The following AMH variants were observed in gnomAD, a reference collection of about 807,000 sequenced individuals.
AMH encodes anti-Muellerian hormone.
Under a neutral mutation model 33.3 loss-of-function variants are expected in AMH, and 39 were observed. The observed-to-expected ratio is 1.17, with a 90% CI of 0.91 to 1.53. AMH has a LOEUF of 1.53. Ranked by LOEUF, AMH falls within the 40% of genes most tolerant of loss-of-function variation. The pLI, the probability that AMH is intolerant of heterozygous loss-of-function variation, is 0.00. For missense variants in AMH, 1,019 were observed against 799.8 expected (o/e 1.27, Z -3.30); for synonymous variants, 536 against 403.0 (o/e 1.33, Z -3.95).
Position 2,249,486 on chromosome 19 carries a change from G to C in AMH, c.154G>C (p.Glu52Gln), listed in dbSNP as rs1157932786. ...GGACTGGCCTCCAGGCAGCCCACAA[G>C]AGCCTCTGTGCCTGGTGGCACTGGG... ...DLDWPPGSPQ[E>Q]PLCLVALGGD... Residue 52 changes from glutamate to glutamine, a missense_variant, in exon 1 of 5, where the codon GAG becomes CAG. Physicochemically the swap from Glu to Gln is conservative, Grantham distance 29 (BLOSUM62 2). Transcript: ENST00000221496. The C allele has an allele frequency of 6.2e-7, 1 of 1,606,976 alleles. No homozygotes were observed. Among genetic ancestry groups the C allele is most frequent in the African/African-American group, 1.3e-5 (1 of 74,846 alleles).
In AMH at chr19:2,250,860, A is replaced by G. The variant is rs1205531792; in HGVS notation, c.676A>G (p.Ser226Gly). The stretch of plus-strand genomic sequence containing the variant: ...CCCACCCACCGCAGACTCCCGGCTG[A>G]GTACCGCCCGGCTGCAGGCACTGCT... ...LQPRGEDSRL[S>G]TARLQALLFG... The change falls in exon 4 of 5, where the codon AGT (serine) becomes GGT (glycine). Residue 226 changes from serine to glycine, a missense_variant. Transcript: ENST00000221496. 5 of 1,570,596 alleles carry G rather than the reference A, an allele frequency of 3.2e-6. No individual in the cohort carries two copies. The African/African-American group carries it at 6.7e-5, about 21-fold the overall frequency.
Position 2,250,732 on chromosome 19 carries a change from G to A in AMH, c.636G>A (p.Leu212=), listed in dbSNP as rs772227681. ...RPAGAWRGSG[L]ALTLQPRGED... is the part of the protein sequence containing the mutation. ...CGGGGGCCTGGCGCGGCTCCGGGCT[G>A]GCCTTGACCCTGCAGCCCCGCGGAG... The change falls in exon 3 of 5, where the codon CTG becomes CTA. Residue 212 remains leucine (L), a synonymous_variant. Transcript: ENST00000221496. The A allele has an allele frequency of 6.5e-7, 1 of 1,537,432 alleles. No homozygotes were observed. Among genetic ancestry groups the A allele is most frequent in the South Asian group, 1.2e-5 (1 of 84,094 alleles).
At position 2,250,341 on chromosome 19, in the gene AMH, C is replaced by T. The variant is rs1181148698; in HGVS notation, c.417C>T (p.Thr139=). ...CCCCTGCTGTCCCGGCTGCAGTGAC[C>T]TGGGAGCCAACACCCTCGCTGAGGT... ...RLVVLHLEEV[T]WEPTPSLRFQ... The change falls in exon 2 of 5, where the codon ACC becomes ACT. Residue 139 remains threonine, a synonymous_variant. Coordinates refer to ENST00000221496, the MANE Select transcript of AMH (RefSeq NM_000479.5). 1.3e-6 allele frequency: 2 copies of T among 1,597,394 alleles called. No homozygotes were observed. Among genetic ancestry groups the T allele is most frequent in the South Asian group, 1.1e-5 (1 of 88,836 alleles).
chr19:2,250,139 A>C (rs1568392933), intron 1 of AMH, 198 bp from the exon 2 acceptor site: 3 of 884,630 alleles, frequency 3.4e-6, no homozygotes, highest in African/African-American at 1.7e-5. Context: ...CGGCAGCCCC[A>C]CCCACAGCCT....
At chr19:2,250,235 A>G in intron 1 of AMH, 102 bp from the exon 2 acceptor site, 2 of 1,517,954 alleles carry the variant, frequency 1.3e-6, no homozygotes, top group Middle Eastern at 2.3e-4. Context: ...CCCCCGCTTG[A>G]GGTCCCCTGC....
chr19:2,250,136 C>A, intron 1 of AMH: 1 of 863,966 alleles, frequency 1.2e-6, no homozygotes, highest in South Asian at 1.6e-5. Context: ...GGGCGGCAGC[C>A]CCACCCACAG....
intron 1 of AMH, 101 bp downstream of exon 1, chr19:2,249,845 C>A: frequency 7.5e-7 from 1 of 1,332,406 alleles, no homozygotes; most frequent in Non-Finnish European, 9.9e-7. Flanking sequence ...CCACCCTGGG[C>A]AGGGAGGCTG....
rs1264574264 is a variant in AMH at position 2,249,568 on chromosome 19, A to G, written c.236A>G (p.Tyr79Cys). ...PLRVVGALSA[Y>C]EQAFLGAVQR... ...CGGGTGGTGGGGGCTCTAAGCGCCTATGAGCAGGCCTTCCTGGGGGCCGTG... is the reference window on the plus strand; with the variant it reads ...CGGGTGGTGGGGGCTCTAAGCGCCTGTGAGCAGGCCTTCCTGGGGGCCGTG... The change falls in exon 1 of 5, where the codon TAT (tyrosine) becomes TGT (cysteine). Residue 79 changes from tyrosine (Y) to cysteine (C), a missense_variant. Transcript: ENST00000221496. 6.3e-7 allele frequency: 1 copy of G among 1,578,000 alleles called. No homozygotes were observed. The highest frequency in any genetic ancestry group is 8.6e-7 in the Non-Finnish European group (1 of 1,164,572).
chr19:2,249,905 C>T (rs1047380006), intron 1 of AMH, 161 bp downstream of exon 1: 2 of 830,238 alleles, frequency 2.4e-6, no homozygotes, highest in South Asian at 2.0e-5. Flanking sequence ...GGAAGGTGGG[C>T]ACCACACTCT....
In AMH at chr19:2,251,201, C is replaced by G. The variant is rs2145030691; in HGVS notation, c.927C>G (p.Ser309=). The change falls in exon 5 of 5, where the codon TCC becomes TCG. Residue 309 remains serine (S), a synonymous_variant. Transcript: ENST00000221496. ...RALRVPPARA[S]APRLALDPDA... The stretch of plus-strand genomic sequence containing the variant: ...TGCGGGTCCCCCCGGCCCGGGCCTC[C>G]GCGCCGCGCCTGGCCCTGGATCCGG... 2.0e-6 allele frequency: 3 copies of G among 1,505,154 alleles called. No individual in the cohort carries two copies. The highest frequency in any genetic ancestry group is 2.6e-6 in the Non-Finnish European group (3 of 1,134,026). 93.2% of individuals were successfully genotyped at this position (1,505,154 alleles called of 1,614,324 possible).
chr19:2,251,852 C>G lies in AMH; in HGVS notation c.1578C>G (p.Cys526Trp). 6.3e-7 allele frequency: 1 copy of G among 1,594,300 alleles called. No individual in the cohort carries two copies. Among genetic ancestry groups the G allele is most frequent in the Non-Finnish European group, 8.5e-7 (1 of 1,175,944 alleles). ...CCGCCCTGGCGCGCCCACCCTGCTG[C>G]GTGCCCACCGCCTACGCGGGCAAGC... ...RGAALARPPCCVPTAYAGKLL... is the reference protein window; with the variant it reads ...RGAALARPPCWVPTAYAGKLL... The change falls in exon 5 of 5, where the codon TGC becomes TGG. Residue 526 changes from cysteine to tryptophan, a missense_variant. Physicochemically the swap from Cys to Trp is radical, Grantham distance 215. Transcript: ENST00000221496.
Position 2,251,713 on chromosome 19 carries a change from C to G in AMH, c.1439C>G (p.Pro480Arg). The stretch of plus-strand genomic sequence containing the variant: ...CGCGCCGAGCGCTCCGTACTCATCC[C>G]CGAGACCTACCAGGCCAACAATTGC... ...DLRAERSVLI[P>R]ETYQANNCQG... is the part of the protein sequence containing the mutation. Residue 480 changes from proline to arginine, a missense_variant, in exon 5 of 5, where the codon CCC becomes CGC. Physicochemically the swap from Pro to Arg is moderately radical, Grantham distance 103. Coordinates refer to ENST00000221496, the MANE Select transcript of AMH (RefSeq NM_000479.5). The G allele has an allele frequency of 6.2e-7, 1 of 1,611,806 alleles. No homozygotes were observed. The highest frequency in any genetic ancestry group is 8.5e-7 in the Non-Finnish European group (1 of 1,179,576).
rs752774158 is a variant in AMH at position 2,249,340 on chromosome 19, A to C, written c.8A>C (p.Asp3Ala). Residue 3 changes from aspartate to alanine, a missense_variant, in exon 1 of 5, where the codon GAC becomes GCC. Asp to Ala is a moderately radical substitution (Grantham distance 126). Coordinates refer to ENST00000221496, the MANE Select transcript of AMH (RefSeq NM_000479.5). ...CCCCTGGCAGCACCCACGATGCGGGACCTGCCTCTCACCAGCCTGGCCCTA... is the reference window on the plus strand; with the variant it reads ...CCCCTGGCAGCACCCACGATGCGGGCCCTGCCTCTCACCAGCCTGGCCCTA... MR[D>A]LPLTSLALVL... The C allele has an allele frequency of 1.3e-6, 2 of 1,567,842 alleles. No homozygotes were observed. Among genetic ancestry groups the C allele is most frequent in the Admixed American group, 1.8e-5 (1 of 54,206 alleles).
At position 2,250,437 on chromosome 19, in the gene AMH, C is replaced by T. The variant is rs1210227794; in HGVS notation, c.513C>T (p.Gly171=). The change falls in exon 2 of 5, where the codon GGC becomes GGT. Residue 171 remains glycine (G), a synonymous_variant. Coordinates refer to ENST00000221496, the MANE Select transcript of AMH (RefSeq NM_000479.5). ...LALLVLYPGP[G]PEVTVTRAGL... ...TGCTGGTGCTGTACCCTGGGCCTGGCCCTGAGGTCACTGTGACGAGGGCTG... is the reference window on the plus strand; with the variant it reads ...TGCTGGTGCTGTACCCTGGGCCTGGTCCTGAGGTCACTGTGACGAGGGCTG... 1 of 1,556,134 alleles carries T rather than the reference C, an allele frequency of 6.4e-7. No individual in the cohort carries two copies. Among genetic ancestry groups the T allele is most frequent in the Non-Finnish European group, 8.7e-7 (1 of 1,151,120 alleles).
rs2025037408 is a variant in AMH, at chr19:2,251,279, G to T, written c.1005G>T (p.Ala335=). 2 of 1,504,050 alleles carry T rather than the reference G, an allele frequency of 1.3e-6. No homozygotes were observed. Among genetic ancestry groups the T allele is most frequent in the Non-Finnish European group, 1.8e-6 (2 of 1,134,360 alleles). The allele number at this position is 1,504,050 out of a possible 1,614,324, so 93.2% of individuals were successfully genotyped here. A position where few individuals can be genotyped will look rare whatever the true frequency, so the allele number is the denominator to read the frequency against. ...QGLVNLSDPA[A]LERLLDGEEP... ...TAGTCAACCTGTCGGACCCCGCGGC[G>T]CTGGAGCGCCTACTCGACGGCGAGG... The change falls in exon 5 of 5, where the codon GCG becomes GCT. Residue 335 remains alanine (A), a synonymous_variant. Transcript: ENST00000221496.
chr19:2,249,923 C>A, intron 1 of AMH, 179 bp downstream of exon 1: 1 of 746,598 alleles, frequency 1.3e-6, no homozygotes, highest in Non-Finnish European at 2.1e-6. Flanking sequence ...TCTGTCCTGT[C>A]CCCGAAGCCC....
intron 3 of AMH, 30 bp downstream of exon 3, chr19:2,250,790 C>G: frequency 6.5e-7 from 1 of 1,535,480 alleles, no homozygotes; most frequent in South Asian, 1.2e-5. Flanking sequence ...GACGGGGAGC[C>G]GGGTCGACTG....
rs571605589 is a variant in AMH at position 2,250,182 on chromosome 19, C to T, written c.413-155C>T. ...AGCCCCTGCCTGCCCCTGCCGTCACCGCTCCCTGGCTGCAGGAAGGCAGCT... is the reference window on the plus strand; with the variant it reads ...AGCCCCTGCCTGCCCCTGCCGTCACTGCTCCCTGGCTGCAGGAAGGCAGCT... On this transcript the variant is annotated intron_variant, in intron 1 of 4. Transcript: ENST00000221496. 205 of 1,292,368 alleles carry T rather than the reference C, an allele frequency of 1.6e-4. 1 individual carries two copies. The South Asian group carries it at 1.6e-3, about 10-fold the overall frequency. 80.1% of individuals were successfully genotyped at this position (1,292,368 alleles called of 1,614,324 possible).
At chr19:2,250,298 C>G (rs1415886846) in intron 1 of AMH, 39 bp from the exon 2 acceptor site, 2 of 1,569,806 alleles carry the variant, frequency 1.3e-6, no homozygotes. Flanking sequence ...GGGGTGTGGC[C>G]TTCAATGGCT....
Sources: gnomAD v4.1 joint callset for allele counts on GRCh38, gnomAD v4.1.1 for gene constraint, MANE v1.5 for transcripts, NCBI Gene and HGNC (gene_info 2026-07-23, HGNC 2026-07-21) for gene names.